CNGB1: variants seen among roughly 807,000 people sequenced by gnomAD.
The protein encoded by CNGB1 is cyclic nucleotide gated channel subunit beta 1.
A neutral mutation model predicts 151.7 loss-of-function variants in CNGB1; 126 were observed. The observed-to-expected ratio is 0.83, with a 90% CI of 0.72 to 0.96. The LOEUF is 0.96. Ranked by LOEUF, CNGB1 falls within the 40% of genes least tolerant of loss-of-function variation. The pLI is 0.00. For missense variants in CNGB1, 1,698 were observed against 1,627.0 expected, an observed-to-expected ratio of 1.04 and a Z score of -0.75; for synonymous variants, 623 against 635.1, an observed-to-expected ratio of 0.98 and a Z score of 0.29.
chr16:57,911,606 G>T, intron 25 of CNGB1, 147 bp downstream of exon 25: 2 of 1,154,720 alleles, frequency 1.7e-6, no homozygotes, highest in Non-Finnish European at 2.5e-6. Flanking sequence ...TGGCTCTTGA[G>T]CCTTGTCATG....
chr16:57,963,209 T>G lies in CNGB1; in HGVS notation c.291-145A>C, dbSNP rs1353667299. On this transcript the variant is annotated intron_variant, in intron 4 of 32. Coordinates refer to ENST00000251102, the MANE Select transcript of CNGB1 (RefSeq NM_001297.5). ...GTGTGGTTATTGGAAAGTACCTACA[T>G]GTACCACTGGCCCAAGGCCAGTCCA... 20 of 774,612 alleles carry G rather than the reference T, an allele frequency of 2.6e-5. No individual in the cohort carries two copies. The Admixed American group carries it at 3.4e-4, about 13-fold the overall frequency. 48.0% of individuals were successfully genotyped at this position (774,612 alleles called of 1,614,324 possible).
At chr16:57,893,848 A>G (rs1960157599) in intron 31 of CNGB1, among the ~76,000 whole-genome samples, 1 of 152,086 alleles carries the variant, frequency 6.6e-6, no homozygotes, top group Non-Finnish European at 1.5e-5. Context: ...AGGGGTTATG[A>G]CCTTTATTTT....
chr16:57,945,845 T>C (rs2149379611), intron 14 of CNGB1, among the ~76,000 whole-genome samples: 1 of 152,350 alleles, frequency 6.6e-6, no homozygotes, highest in South Asian at 2.1e-4. Flanking sequence ...ATTGTTCTTG[T>C]CATTATTATT....
intron 16 of CNGB1, among the ~76,000 whole-genome samples, chr16:57,935,275 A>G (rs550179122): frequency 1.3e-5 from 2 of 152,318 alleles, no homozygotes; most frequent in East Asian, 1.9e-4. Context: ...GCCTCTGTTT[A>G]TGGCAAGCAA....
At chr16:57,943,445 G>A (rs190569003) in intron 14 of CNGB1, among the ~76,000 whole-genome samples, 2 of 152,280 alleles carry the variant, frequency 1.3e-5, no homozygotes, top group East Asian at 3.9e-4. Flanking sequence ...GCCGAGGTGG[G>A]TGGATCATGA....
Position 57,939,527 on chromosome 16 carries a change from G to T in CNGB1, c.1275C>A (p.Ala425=), listed in dbSNP as rs376016716. The T allele has an allele frequency of 6.2e-7, 1 of 1,613,834 alleles. No homozygotes were observed. Among genetic ancestry groups the T allele is most frequent in the South Asian group, 1.1e-5 (1 of 91,058 alleles). ...KEAEEKAKEE[A]EEVAEEEAEK... ...CAGCCTCCTCTTCAGCCACCTCCTC[G>T]GCCTCCTCCTTGGCCTTCTCTTCAG... The change falls in exon 16 of 33, where the codon GCC becomes GCA. Residue 425 remains alanine, a synonymous_variant. Coordinates refer to ENST00000251102, the MANE Select transcript of CNGB1 (RefSeq NM_001297.5).
At chr16:57,935,907 C>T (rs879745332) in intron 16 of CNGB1, among the ~76,000 whole-genome samples, 4 of 152,008 alleles carry the variant, frequency 2.6e-5, no homozygotes, top group Non-Finnish European at 5.9e-5. Flanking sequence ...CTCTCTGTGC[C>T]CACCTCAAGC....
intron 24 of CNGB1, among the ~76,000 whole-genome samples, chr16:57,912,417 G>T (rs749182314): frequency 6.6e-6 from 1 of 152,200 alleles, no homozygotes; most frequent in Non-Finnish European, 1.5e-5. Context: ...ACAATGAGGG[G>T]CATCGGATAT....
intron 2 of CNGB1, among the ~76,000 whole-genome samples, chr16:57,965,641 G>A (rs1177582031): frequency 8.5e-6 from 1 of 117,978 alleles, no homozygotes; most frequent in African/African-American, 2.9e-5. Context: ...TGTGGAGACA[G>A]GCAAATATGT....
chr16:57,940,600 T>C (rs1420399183), intron 14 of CNGB1, among the ~76,000 whole-genome samples: 2 of 151,942 alleles, frequency 1.3e-5, no homozygotes, highest in African/African-American at 4.8e-5. Flanking sequence ...TCCAGGATGA[T>C]GATTTTACCA....
chr16:57,901,369 C>T lies in CNGB1; in HGVS notation c.2959G>A (p.Asp987Asn), dbSNP rs768408396. 1.9e-6 allele frequency: 3 copies of T among 1,614,128 alleles called. No individual in the cohort carries two copies. Among genetic ancestry groups the T allele is most frequent in the African/African-American group, 1.3e-5 (1 of 75,036 alleles). ...CAGCTCACCTTCTTGCACACATAGT[C>T]GTTGGGCAGGTAGACAACAGAGCGA... ...RLRSVVYLPN[D>N]YVCKKGEIGR... Residue 987 changes from aspartate (D) to asparagine (N), a missense_variant, in exon 29 of 33, where the codon GAC becomes AAC. Asp to Asn is a conservative substitution (Grantham distance 23). Coordinates refer to ENST00000251102, the MANE Select transcript of CNGB1 (RefSeq NM_001297.5).
intron 16 of CNGB1, 110 bp downstream of exon 16, chr16:57,939,320 A>T (rs1961597867): frequency 6.7e-7 from 1 of 1,484,202 alleles, no homozygotes; most frequent in Admixed American, 1.7e-5. Flanking sequence ...CAATGGGGGG[A>T]AGGAGATGGA....
In CNGB1 at chr16:57,909,110, A is replaced by C. The variant is rs542899806; in HGVS notation, c.2492+2643T>G. Among the ~76,000 whole-genome samples the C allele has an allele frequency of 3.3e-5, 5 of 152,260 alleles. No homozygotes were observed. The South Asian group carries it at 1.0e-3, about 32-fold the overall frequency. ...ACGGCAAAACTCCATATATCCAAAA[A>C]ATACAAAATTAGCTAGGTGCAGTGG... On this transcript the variant is annotated intron_variant, in intron 25 of 32. Transcript: ENST00000251102.
chr16:57,939,325 G>C, intron 16 of CNGB1, 105 bp downstream of exon 16: 1 of 1,511,958 alleles, frequency 6.6e-7, no homozygotes, highest in Non-Finnish European at 9.1e-7. Flanking sequence ...GGGGGAAGGA[G>C]ATGGAGGGAG....
Position 57,959,934 on chromosome 16 carries a change from A to G in CNGB1, c.715T>C (p.Ser239Pro), listed in dbSNP as rs1243907366. ...EAPAPEPQPG[S>P]QAQTSSLPPT... ...GGCAGGGAGGAGGTCTGGGCCTGGG[A>G]GCCGGGCTGGGGCTCTGGAGCTGGT... The change falls in exon 10 of 33, where the codon TCC becomes CCC. Residue 239 changes from serine (S) to proline (P), a missense_variant. Coordinates refer to ENST00000251102, the MANE Select transcript of CNGB1 (RefSeq NM_001297.5). The G allele has an allele frequency of 2.5e-6, 4 of 1,580,700 alleles. No homozygotes were observed. The highest frequency in any genetic ancestry group is 3.4e-6 in the Non-Finnish European group (4 of 1,161,562).
Position 57,960,475 on chromosome 16 carries a change from C to T in CNGB1, c.583+7G>A, listed in dbSNP as rs1962217150. On this transcript the variant is annotated splice_region_variant and intron_variant, in intron 9 of 32. Transcript: ENST00000251102. ...GGCAGCCCCCTCCCGAGCTCCCCTC[C>T]CTGTACCTGGGTCTGAGGCAGCACC... 6.2e-7 allele frequency: 1 copy of T among 1,613,074 alleles called. No individual in the cohort carries two copies. The highest frequency in any genetic ancestry group is 1.7e-5 in the Admixed American group (1 of 59,898).
chr16:57,964,090 G>A (rs1408350329), intron 4 of CNGB1, 40 bp downstream of exon 4: 1 of 1,599,478 alleles, frequency 6.3e-7, no homozygotes, highest in East Asian at 2.2e-5. Context: ...GTAGTTGGGA[G>A]GCGGGCTGGC....
In CNGB1 at chr16:57,958,482, C is replaced by G. The variant is rs770416566; in HGVS notation, c.765G>C (p.Leu255=). The change falls in exon 11 of 33, where the codon CTG becomes CTC. Residue 255 remains leucine, a synonymous_variant. Coordinates refer to ENST00000251102, the MANE Select transcript of CNGB1 (RefSeq NM_001297.5). The part of the protein sequence containing the change: ...SLPPTRDPAR[L]VAWVLHRLEM... ...CCAGCCTGTGCAGGACCCATGCCAC[C>G]AGCCTGCAGGTGGGAGAGAGTGTGC... 1 of 1,613,998 alleles carries G rather than the reference C, an allele frequency of 6.2e-7. No individual in the cohort carries two copies. The highest frequency in any genetic ancestry group is 8.5e-7 in the Non-Finnish European group (1 of 1,179,914).
intron 14 of CNGB1, among the ~76,000 whole-genome samples, chr16:57,943,728 T>C (rs1334284474): frequency 6.6e-6 from 1 of 152,080 alleles, no homozygotes; most frequent in Non-Finnish European, 1.5e-5. Context: ...TTACACACTG[T>C]TGGTGGGATT....
Sources: gnomAD v4.1 joint callset for allele counts (sites outside exome capture counted in the v4.1 genomes callset) on GRCh38, gnomAD v4.1.1 for gene constraint, MANE v1.5 for transcripts, NCBI Gene and HGNC (gene_info 2026-07-23, HGNC 2026-07-21) for gene names.